Variants in VANGL1 observed in about 807,000 individuals in gnomAD.
VANGL1 encodes the protein VANGL planar cell polarity protein 1.
VANGL1 carries 18 observed loss-of-function variants against 48.4 expected under a neutral mutation model. The ratio of observed to expected loss-of-function variants is 0.37; its 90% CI spans 0.26 to 0.55. The LOEUF (loss-of-function observed/expected upper bound fraction) is 0.55. Among genes scored for constraint, VANGL1 ranks in the 20% least tolerant of loss-of-function variants. The probability of loss-of-function intolerance (pLI) is 0.81; values close to 1 mark genes in which losing one functional copy is unlikely to be tolerated. For synonymous variants in VANGL1, 257 were observed against 261.8 expected, an observed-to-expected ratio of 0.98 and a Z score of 0.18; for missense variants, 667 against 675.8, an observed-to-expected ratio of 0.99 and a Z score of 0.14.
intron 2 of VANGL1, among the ~76,000 whole-genome samples, chr1:115,653,380 T>G (rs754859664): frequency 1.8e-4 from 28 of 152,142 alleles, no homozygotes; most frequent in Non-Finnish European, 3.5e-4. Flanking sequence ...TGGGTAAACT[T>G]ACCAGATTTA....
chr1:115,672,770 A>G (rs1653031315), intron 4 of VANGL1, among the ~76,000 whole-genome samples: 1 of 152,204 alleles, frequency 6.6e-6, no homozygotes, highest in Non-Finnish European at 1.5e-5. Flanking sequence ...AAGGGCCAGG[A>G]GATATAAACA....
In VANGL1 at chr1:115,695,852, T is replaced by A. The variant is rs1294589397; in HGVS notation, c.*4473T>A. 1 of 152,214 alleles carries A rather than the reference T, an allele frequency of 6.6e-6. No individual in the cohort carries two copies. The highest frequency in any genetic ancestry group is 1.5e-5 in the Non-Finnish European group (1 of 68,052). 9.4% of individuals were successfully genotyped at this position (152,214 alleles called of 1,614,324 possible). A position where few individuals can be genotyped will look rare whatever the true frequency, so the allele number is the denominator to read the frequency against. The stretch of plus-strand genomic sequence containing the variant: ...ACTGTACCTTGAAGTATGGTCTAAA[T>A]GATTCGGCACTTCTGGATGTTGAGG... On this transcript the variant is annotated 3_prime_UTR_variant, in exon 8 of 8. Transcript: ENST00000355485.
chr1:115,665,951 G>A (rs573388708), intron 4 of VANGL1, among the ~76,000 whole-genome samples: 66 of 152,296 alleles, frequency 4.3e-4, no homozygotes, highest in African/African-American at 1.6e-3. Context: ...GCTGTCTGGT[G>A]GACAGGTGCA....
chr1:115,656,073 T>C (rs1368534901), intron 2 of VANGL1, among the ~76,000 whole-genome samples: 1 of 152,214 alleles, frequency 6.6e-6, no homozygotes, highest in East Asian at 1.9e-4. Flanking sequence ...GCATGACCAG[T>C]ACCTGGCGCA....
intron 7 of VANGL1, among the ~76,000 whole-genome samples, chr1:115,687,030 A>G (rs1186533301): frequency 7.2e-6 from 1 of 138,552 alleles, no homozygotes; most frequent in East Asian, 2.0e-4. Context: ...ACTTCTGTTT[A>G]TATGTTGCAC....
At chr1:115,664,311 T>C in intron 4 of VANGL1, 43 bp downstream of exon 4, 1 of 1,603,414 alleles carries the variant, frequency 6.2e-7, no homozygotes, top group African/African-American at 1.3e-5. Context: ...GGCTGATGTC[T>C]TGCTGGGAGA....
chr1:115,690,086 A>C lies in VANGL1; in HGVS notation c.1315-1033A>C, dbSNP rs1653775439. Among the ~76,000 whole-genome samples the C allele has an allele frequency of 2.2e-5, 3 of 138,930 alleles. 1 individual carries two copies. In the South Asian group the frequency reaches 7.3e-4, roughly 34 times the overall value. 91.1% of individuals were successfully genotyped at this position (138,930 alleles called of 152,430 possible). A position where few individuals can be genotyped will look rare whatever the true frequency, so the allele number is the denominator to read the frequency against. Reference sequence around the variant, plus strand: ...CTAAATCAGTGTATTTATTTGATTTAATTCGCATGCTGTCAAACTCCTAGT... The same window carrying C: ...CTAAATCAGTGTATTTATTTGATTTCATTCGCATGCTGTCAAACTCCTAGT... On this transcript the variant is annotated intron_variant, in intron 7 of 7. Coordinates refer to ENST00000355485, the MANE Select transcript of VANGL1 (RefSeq NM_138959.3).
In VANGL1 at chr1:115,688,934, C is replaced by T. The variant is rs550296636; in HGVS notation, c.1315-2185C>T. ...CCTCCCGAGTAACTGGGACTACAGGCGCCCACCACCACGCCCAGCTAATTT... is the reference window on the plus strand; with the variant it reads ...CCTCCCGAGTAACTGGGACTACAGGTGCCCACCACCACGCCCAGCTAATTT... On this transcript the variant is annotated intron_variant, in intron 7 of 7. Transcript: ENST00000355485. Among the ~76,000 whole-genome samples the T allele has an allele frequency of 1.3e-4, 17 of 134,676 alleles. 4 individuals carry two copies. The highest frequency in any genetic ancestry group is 3.1e-4 in the Admixed American group (4 of 13,086). The allele number at this position is 134,676 out of a possible 152,430, so 88.4% of individuals were successfully genotyped here.
intron 6 of VANGL1, among the ~76,000 whole-genome samples, chr1:115,684,920 G>C (rs922855848): frequency 4.6e-5 from 7 of 152,168 alleles, no homozygotes. Flanking sequence ...ACCTCTCTCT[G>C]TACAGAGCCT....
rs1653664413 is a variant in VANGL1, at chr1:115,687,147, C to G, written c.1314+1620C>G. 3.6e-5 allele frequency among the ~76,000 whole-genome samples: 5 copies of G among 138,762 alleles called. 2 individuals are homozygous for G. Among genetic ancestry groups the G allele is most frequent in the African/African-American group, 1.4e-4 (5 of 36,980 alleles). The allele number at this position is 138,762 out of a possible 152,430, so 91.0% of individuals were successfully genotyped here. A position where few individuals can be genotyped will look rare whatever the true frequency, so the allele number is the denominator to read the frequency against. The stretch of plus-strand genomic sequence containing the variant: ...GTTTTCTGTATTGATTCACTAATCT[C>G]TCTCCTAGGAAAACTATTTCCTACA... On this transcript the variant is annotated intron_variant, in intron 7 of 7. Coordinates refer to ENST00000355485, the MANE Select transcript of VANGL1 (RefSeq NM_138959.3).
intron 4 of VANGL1, among the ~76,000 whole-genome samples, chr1:115,677,064 G>A (rs966015416): frequency 6.6e-6 from 1 of 152,240 alleles, no homozygotes; most frequent in African/African-American, 2.4e-5. Context: ...TCCTCCCACA[G>A]CCTCTGTGCA....
At position 115,663,913 on chromosome 1, in the gene VANGL1, T is replaced by G; in HGVS notation, c.457T>G (p.Phe153Val). ...EPCGTICEGL[F>V]ISMAFKLLIL... ...TTGTGGCACAATTTGTGAGGGGCTCTTTATCTCCATGGCATTCAAACTCCT... is the reference window on the plus strand; with the variant it reads ...TTGTGGCACAATTTGTGAGGGGCTCGTTATCTCCATGGCATTCAAACTCCT... The change falls in exon 4 of 8, where the codon TTT (phenylalanine) becomes GTT (valine). Residue 153 changes from phenylalanine (F) to valine (V), a missense_variant. By Grantham distance (50) the Phe-to-Val change is conservative. Transcript: ENST00000355485. 1 of 1,614,242 alleles carries G rather than the reference T, an allele frequency of 6.2e-7. No homozygotes were observed. The highest frequency in any genetic ancestry group is 2.2e-5 in the East Asian group (1 of 44,888).
At chr1:115,666,336 T>G (rs921531820) in intron 4 of VANGL1, among the ~76,000 whole-genome samples, 5 of 152,178 alleles carry the variant, frequency 3.3e-5, no homozygotes, top group African/African-American at 1.2e-4. Flanking sequence ...TACGACTGGT[T>G]GAGCTGCACA....
intron 4 of VANGL1, among the ~76,000 whole-genome samples, chr1:115,674,317 T>G (rs1336265770): frequency 6.6e-6 from 1 of 152,228 alleles, no homozygotes; most frequent in Non-Finnish European, 1.5e-5. Context: ...GTACTTATTG[T>G]TTGAGTGGTA....
At chr1:115,684,376 G>A (rs560918989) in intron 6 of VANGL1, among the ~76,000 whole-genome samples, 50 of 152,272 alleles carry the variant, frequency 3.3e-4, no homozygotes, top group African/African-American at 1.2e-3. Flanking sequence ...CTGACCTCGA[G>A]TGATGTGCCT....
intron 3 of VANGL1, among the ~76,000 whole-genome samples, chr1:115,660,855 TG>T (rs1390614745): frequency 6.6e-6 from 1 of 152,190 alleles, no homozygotes; most frequent in Admixed American, 6.5e-5. Context: ...TGGGATTCAT[TG>T]AGCAATGAGC....
intron 7 of VANGL1, among the ~76,000 whole-genome samples, chr1:115,687,585 C>G (rs1653676605): frequency 7.3e-6 from 1 of 137,842 alleles, no homozygotes; most frequent in South Asian, 2.5e-4. Context: ...TTTTCAGCCC[C>G]TGCCCCAAAA....
intron 2 of VANGL1, among the ~76,000 whole-genome samples, chr1:115,654,521 A>AAT (rs1652273309): frequency 6.6e-6 from 1 of 151,506 alleles, no homozygotes; most frequent in Non-Finnish European, 1.5e-5. Flanking sequence ...AAAAAAAAAA[A>AAT]ATTGGTATTT....
intron 7 of VANGL1, among the ~76,000 whole-genome samples, chr1:115,686,072 T>A (rs1653604943): frequency 6.6e-6 from 1 of 152,122 alleles, no homozygotes; most frequent in South Asian, 2.1e-4. Context: ...GCTCATCTAC[T>A]CTCTACCATG....
Sources: gnomAD v4.1 joint callset for allele counts (sites outside exome capture counted in the v4.1 genomes callset) on GRCh38, gnomAD v4.1.1 for gene constraint, MANE v1.5 for transcripts, NCBI Gene and HGNC (gene_info 2026-07-23, HGNC 2026-07-21) for gene names.